Variants in WDPCP observed in about 807,000 individuals in gnomAD.
The protein encoded by WDPCP is WD repeat containing planar cell polarity effector.
A neutral mutation model predicts 93.1 loss-of-function variants in WDPCP; 71 were observed. That is an observed-to-expected ratio of 0.76 (90% CI 0.63 to 0.93). The LOEUF (loss-of-function observed/expected upper bound fraction) is 0.93. Ranked by LOEUF, WDPCP falls within the 40% of genes least tolerant of loss-of-function variation. The pLI is 0.00. For synonymous variants in WDPCP, 315 were observed against 315.0 expected (o/e 1.00, Z 0.00); for missense variants, 844 against 887.4 (o/e 0.95, Z 0.62).
chr2:63,643,897 G>A (rs561237043), intron 3 of WDPCP: 67 of 524,408 alleles, frequency 1.3e-4, no homozygotes, highest in African/African-American at 9.4e-4. Context: ...ACTTAAGTCT[G>A]TTCCTTAGGA....
intron 14 of WDPCP, among the ~76,000 whole-genome samples, chr2:63,234,824 T>C (rs1679242013): frequency 6.6e-6 from 1 of 152,206 alleles, no homozygotes; most frequent in Non-Finnish European, 1.5e-5. Context: ...TTTGGCTCTA[T>C]AATTCACTTC....
At chr2:63,171,713 T>C (rs1441011067) in intron 15 of WDPCP, among the ~76,000 whole-genome samples, 1 of 152,210 alleles carries the variant, frequency 6.6e-6, no homozygotes, top group African/African-American at 2.4e-5. Flanking sequence ...AATGAAAATA[T>C]ATGTCCACTT....
At chr2:63,789,431 C>CTT (rs1223590058) in intron 2 of WDPCP, among the ~76,000 whole-genome samples, 3 of 152,198 alleles carry the variant, frequency 2.0e-5, no homozygotes, top group Admixed American at 2.0e-4. Flanking sequence ...AAGGAACACT[C>CTT]TGTTTCTATC....
chr2:63,176,687 G>C (rs557593266), intron 14 of WDPCP, among the ~76,000 whole-genome samples: 15 of 152,218 alleles, frequency 9.9e-5, no homozygotes, highest in Non-Finnish European at 1.5e-4. Flanking sequence ...CCATTCCTTA[G>C]GCTGTCTGTT....
upstream of WDPCP, chr2:63,589,173 C>G: frequency 1.9e-6 from 3 of 1,609,734 alleles, no homozygotes; most frequent in South Asian, 3.3e-5. Flanking sequence ...TTGGCAAGCT[C>G]GGACTCATCT....
At chr2:63,719,733 T>C (rs1038736279) in intron 2 of WDPCP, among the ~76,000 whole-genome samples, 1 of 152,168 alleles carries the variant, frequency 6.6e-6, no homozygotes, top group African/African-American at 2.4e-5. Context: ...ATGAAATATT[T>C]ATAAAAGTTT....
upstream of WDPCP, chr2:63,593,600 T>G: frequency 2.1e-6 from 1 of 471,690 alleles, no homozygotes; most frequent in Non-Finnish European, 4.4e-6. Flanking sequence ...CTGGGCTTAG[T>G]CACATCAGTG....
chr2:63,218,544 A>T (rs562769706), intron 14 of WDPCP, among the ~76,000 whole-genome samples: 3 of 151,942 alleles, frequency 2.0e-5, no homozygotes, highest in African/African-American at 7.2e-5. Flanking sequence ...TATTATTATT[A>T]TTTGAGACGG....
At chr2:63,766,044 CTAGCACCTAGCACATGCACCTA>C (rs1022391398) in intron 2 of WDPCP, among the ~76,000 whole-genome samples, 1 of 152,226 alleles carries the variant, frequency 6.6e-6, no homozygotes, top group African/African-American at 2.4e-5. Context: ...GTTTAGAGCA[CTAGCACCTAGCACATGCACCTA>C]GGTGCATTTT....
At chr2:63,593,485 C>T (rs536370491), upstream of WDPCP, 47 of 460,572 alleles carry the variant, frequency 1.0e-4, no homozygotes, top group Middle Eastern at 3.3e-4. Flanking sequence ...AGCTTAGTGT[C>T]AGAAGCTTGA....
intron 2 of WDPCP, among the ~76,000 whole-genome samples, chr2:63,712,498 A>C (rs1017250568): frequency 1.3e-5 from 2 of 152,228 alleles, no homozygotes; most frequent in African/African-American, 4.8e-5. Context: ...CTAATATCTT[A>C]AAGTGATAAC....
chr2:63,491,741 C>A (rs1429557721), intron 2 of WDPCP, among the ~76,000 whole-genome samples: 1 of 152,202 alleles, frequency 6.6e-6, no homozygotes, highest in Non-Finnish European at 1.5e-5. Flanking sequence ...ACTTTCATGT[C>A]CCTTTACTGT....
intron 17 of WDPCP, among the ~76,000 whole-genome samples, chr2:63,137,387 G>C (rs1351060827): frequency 6.6e-6 from 1 of 152,058 alleles, no homozygotes; most frequent in Non-Finnish European, 1.5e-5. Flanking sequence ...ATCTGCTTGT[G>C]TCTGCTGCCC....
At chr2:63,339,512 G>A (rs950652504) in intron 12 of WDPCP, among the ~76,000 whole-genome samples, 3 of 152,064 alleles carry the variant, frequency 2.0e-5, no homozygotes, top group Non-Finnish European at 4.4e-5. Flanking sequence ...GTATATATAA[G>A]CGCTGCTGAT....
intron 17 of WDPCP, among the ~76,000 whole-genome samples, chr2:63,132,998 T>A (rs945513136): frequency 2.6e-5 from 4 of 152,246 alleles, no homozygotes; most frequent in Admixed American, 2.6e-4. Flanking sequence ...TCTCCCATTC[T>A]CTGTAGACTG....
At chr2:63,143,009 G>C (rs1347997053) in intron 17 of WDPCP, among the ~76,000 whole-genome samples, 3 of 151,880 alleles carry the variant, frequency 2.0e-5, no homozygotes, top group Non-Finnish European at 4.4e-5. Flanking sequence ...GGAGTGCAGT[G>C]GTGCGATCTT....
chr2:63,703,442 T>G (rs1669095249), intron 2 of WDPCP, among the ~76,000 whole-genome samples: 1 of 152,224 alleles, frequency 6.6e-6, no homozygotes, highest in Admixed American at 6.5e-5. Context: ...TATCTCATTG[T>G]GGTTTTGATT....
intron 6 of WDPCP, among the ~76,000 whole-genome samples, chr2:63,482,879 A>C (rs924438838): frequency 6.6e-6 from 1 of 152,004 alleles, no homozygotes; most frequent in African/African-American, 2.4e-5. Context: ...GAAACGTTAA[A>C]AGCAGATTCA....
Position 63,720,555 on chromosome 2 carries a change from C to T in WDPCP, n.309-69717G>A, listed in dbSNP as rs144997884. ...CTGCCATGGCTTACCCGGTGCTCTG[C>T]CAAATTTCCACTTACCCTCCCCATT... On this transcript the variant is annotated intron_variant and non_coding_transcript_variant, in intron 2 of 4. Coordinates refer to the WDPCP transcript ENST00000467687. 8.7e-4 allele frequency among the ~76,000 whole-genome samples: 133 copies of T among 152,260 alleles called. 2 individuals carry two copies. The East Asian group carries it at 0.023, about 26-fold the overall frequency.
Sources: gnomAD v4.1 joint callset for allele counts (sites outside exome capture counted in the v4.1 genomes callset) on GRCh38, gnomAD v4.1.1 for gene constraint, MANE v1.5 for transcripts, NCBI Gene and HGNC (gene_info 2026-07-23, HGNC 2026-07-21) for gene names.